Variants in SLC12A5 observed in about 807,000 individuals in gnomAD.
SLC12A5 encodes the protein K-Cl cotransporter 2.
Under a neutral mutation model 124.0 loss-of-function variants are expected in SLC12A5, and 18 were observed. The ratio of observed to expected loss-of-function variants is 0.15; its 90% CI spans 0.10 to 0.22. The LOEUF is 0.22. SLC12A5 is among the 10% of genes least tolerant of loss of function. The pLI, the probability that SLC12A5 is intolerant of heterozygous loss-of-function variation, is 1.00. For synonymous variants in SLC12A5, 589 were observed against 568.0 expected (o/e 1.04, Z -0.53); for missense variants, 867 against 1,478.7 (o/e 0.59, Z 6.78).
At position 46,040,356 on chromosome 20, in the gene SLC12A5, C is replaced by T. The variant is rs745445077; in HGVS notation, c.613-17C>T. 1.2e-6 allele frequency: 2 copies of T among 1,612,834 alleles called. No homozygotes were observed. The highest frequency in any genetic ancestry group is 1.7e-6 in the Non-Finnish European group (2 of 1,179,920). On this transcript the variant is annotated splice_polypyrimidine_tract_variant and intron_variant, in intron 6 of 25. Transcript: ENST00000243964. The stretch of plus-strand genomic sequence containing the variant: ...CTGCTGACTTAGGTATCTGTTCTTC[C>T]TGCCCCTTTCCCACAGGCTTACCTC...
chr20:46,049,433 T>A lies in SLC12A5; in HGVS notation c.2013-189T>A, dbSNP rs564730414. On this transcript the variant is annotated intron_variant, in intron 16 of 25. Coordinates refer to ENST00000243964, the MANE Select transcript of SLC12A5 (RefSeq NM_020708.5). The stretch of plus-strand genomic sequence containing the variant: ...ATAGGTGGGTGGGTGGTTGAATGGG[T>A]AGATAGGTGAGTGAGGTGAATGGAG... 2.6e-5 allele frequency among the ~76,000 whole-genome samples: 4 copies of A among 151,890 alleles called. No homozygotes were observed. The South Asian group carries it at 8.3e-4, about 32-fold the overall frequency.
At position 46,022,959 on chromosome 20, in the gene SLC12A5, G is replaced by GGAGGAGGAGGAA. The variant is rs2084367717; in HGVS notation, c.89_90insAGAGGAGGAGGA (p.Gly30_Gly31insArgGlyGlyGly). 4 of 402,654 alleles carry GGAGGAGGAGGAA rather than the reference G, an allele frequency of 9.9e-6. No individual in the cohort carries two copies. In the Admixed American group the frequency reaches 1.8e-4, roughly 18 times the overall value. 24.9% of individuals were successfully genotyped at this position (402,654 alleles called of 1,614,324 possible). ...CCCAGCGAGGGGAGGAGGAGGAGGA[G>GGAGGAGGAGGAA]GAGGAGGAGGAGGAGGAAGAGGAGG... On this transcript the variant is annotated inframe_insertion, in exon 2 of 3. Coordinates refer to the SLC12A5 transcript ENST00000413737.
At position 46,041,803 on chromosome 20, in the gene SLC12A5, T is replaced by A. The variant is rs575473351; in HGVS notation, c.1066+263T>A. On this transcript the variant is annotated intron_variant, in intron 8 of 25. Coordinates refer to ENST00000243964, the MANE Select transcript of SLC12A5 (RefSeq NM_020708.5). ...ACAGAGTGCCCAGCATTGTGCTGAG[T>A]GCTAGGAACACAAAATAAATAAGCC... Among the ~76,000 whole-genome samples, 4 of 152,302 alleles carry A rather than the reference T, an allele frequency of 2.6e-5. No homozygotes were observed. The East Asian group carries it at 7.7e-4, about 29-fold the overall frequency.
intron 1 of SLC12A5, among the ~76,000 whole-genome samples, chr20:46,031,961 G>A (rs1011060889): frequency 2.0e-5 from 3 of 152,252 alleles, no homozygotes; most frequent in Non-Finnish European, 4.4e-5. Context: ...CAACCAGTGC[G>A]CCTGGCGTTC....
Position 46,056,620 on chromosome 20 carries a change from C to T in SLC12A5, c.3110+56C>T. The T allele has an allele frequency of 1.3e-6, 2 of 1,541,966 alleles. No individual in the cohort carries two copies. The highest frequency in any genetic ancestry group is 1.2e-5 in the South Asian group (1 of 84,190). On this transcript the variant is annotated intron_variant, in intron 23 of 25. Coordinates refer to ENST00000243964, the MANE Select transcript of SLC12A5 (RefSeq NM_020708.5). The surrounding 1 kb of genome is among the most constrained non-coding windows in gnomAD (Gnocchi z 4.3). ...TGGGGTGAGCTAAAGGGTCTTGCTC[C>T]CCATGGCAGAGCAAGAGAGCAGAAG...
rs3080279 is a variant in SLC12A5, at chr20:46,029,858, CTG to C, written c.52+493_52+494del. 7.7e-3 allele frequency among the ~76,000 whole-genome samples: 1,019 copies of C among 133,044 alleles called. 13 individuals carry two copies. The highest frequency in any genetic ancestry group is 0.024 in the African/African-American group (776 of 32,280). 87.3% of individuals were successfully genotyped at this position (133,044 alleles called of 152,430 possible). On this transcript the variant is annotated intron_variant, in intron 1 of 25. Transcript: ENST00000243964. ...ATCTGGAAGATGGGGGAAGAGGTGG[CTG>C]TGTGTGTGTGTGTGTGTGTGTGTGT...
chr20:46,038,577 C>G (rs944442852), intron 6 of SLC12A5, among the ~76,000 whole-genome samples: 4 of 152,146 alleles, frequency 2.6e-5, no homozygotes, highest in Admixed American at 6.5e-5. Flanking sequence ...TTTCTGACTT[C>G]CAGAGCCTTA....
chr20:46,035,679 G>C, intron 3 of SLC12A5, 98 bp from the exon 4 acceptor site: 1 of 1,507,054 alleles, frequency 6.6e-7, no homozygotes, highest in East Asian at 2.3e-5. Flanking sequence ...AGAATAGAGA[G>C]AAGAGGAAGG....
chr20:46,034,641 C>A (rs548484292), intron 1 of SLC12A5, among the ~76,000 whole-genome samples: 1 of 152,094 alleles, frequency 6.6e-6, no homozygotes, highest in Non-Finnish European at 1.5e-5. Context: ...CCCCAAACAC[C>A]GGTATGAGCC....
chr20:46,035,142 A>G, intron 2 of SLC12A5, 100 bp downstream of exon 2: 2 of 1,238,644 alleles, frequency 1.6e-6, no homozygotes, highest in South Asian at 2.6e-5. Flanking sequence ...CCTCGTCTCC[A>G]CCCCTCCCTT....
intron 17 of SLC12A5, 81 bp from the exon 18 acceptor site, chr20:46,051,594 T>C: frequency 7.5e-7 from 1 of 1,326,606 alleles, no homozygotes; most frequent in African/African-American, 1.5e-5. Context: ...AGGGGAGAGA[T>C]GGGAGGGAAG....
Position 46,045,844 on chromosome 20 carries a change from G to A in SLC12A5, c.1570-34G>A. 6.4e-7 allele frequency: 1 copy of A among 1,570,234 alleles called. No homozygotes were observed. Among genetic ancestry groups the A allele is most frequent in the Non-Finnish European group, 8.8e-7 (1 of 1,141,140 alleles). Reference sequence around the variant, plus strand: ...GGGGAGAGGGCTGAGAAATCCTTGAGGTCTCAGTCCCATGATGATTGCTCT... The same window carrying A: ...GGGGAGAGGGCTGAGAAATCCTTGAAGTCTCAGTCCCATGATGATTGCTCT... On this transcript the variant is annotated intron_variant, in intron 12 of 25. Coordinates refer to ENST00000243964, the MANE Select transcript of SLC12A5 (RefSeq NM_020708.5). This position sits in a 1 kb window ranked among gnomAD's most constrained non-coding sequence, Gnocchi z 4.9.
At chr20:46,036,372 T>C (rs2084498457) in intron 4 of SLC12A5, among the ~76,000 whole-genome samples, 1 of 152,266 alleles carries the variant, frequency 6.6e-6, no homozygotes, top group South Asian at 2.1e-4. Flanking sequence ...GTACATAACC[T>C]TGAGACAGCT....
intron 16 of SLC12A5, among the ~76,000 whole-genome samples, chr20:46,048,576 G>A (rs1036576583): frequency 3.3e-5 from 5 of 152,030 alleles, no homozygotes; most frequent in African/African-American, 9.7e-5. Flanking sequence ...TTTTATTCAC[G>A]TGAAAATCAG....
chr20:46,058,919 C>G lies in SLC12A5; in HGVS notation c.*1314C>G, dbSNP rs925232647. 5 of 395,178 alleles carry G rather than the reference C, an allele frequency of 1.3e-5. No homozygotes were observed. Among genetic ancestry groups the G allele is most frequent in the Non-Finnish European group, 1.8e-5 (4 of 224,538 alleles). 24.5% of individuals were successfully genotyped at this position (395,178 alleles called of 1,614,324 possible). On this transcript the variant is annotated 3_prime_UTR_variant, in exon 26 of 26. Coordinates refer to ENST00000243964, the MANE Select transcript of SLC12A5 (RefSeq NM_020708.5). This position sits in a 1 kb window ranked among gnomAD's most constrained non-coding sequence, Gnocchi z 5.8. Reference sequence around the variant, plus strand: ...AGCAGCGGCCTCTAGCTCCGTCTCCCGGGGACCTGGGCCTGAGGGAGGGCT... The same window carrying G: ...AGCAGCGGCCTCTAGCTCCGTCTCCGGGGGACCTGGGCCTGAGGGAGGGCT...
At chr20:46,021,831 G>C, upstream of SLC12A5, 1 of 1,533,946 alleles carries the variant, frequency 6.5e-7, no homozygotes, top group Non-Finnish European at 8.7e-7. Context: ...CTGACCCAGA[G>C]TCCCGCCGGC....
At chr20:46,034,644 T>G (rs1413468027) in intron 1 of SLC12A5, among the ~76,000 whole-genome samples, 3 of 152,102 alleles carry the variant, frequency 2.0e-5, no homozygotes, top group East Asian at 3.9e-4. Flanking sequence ...CAAACACCGG[T>G]ATGAGCCCAG....
chr20:46,027,703 T>C (rs1340633041), upstream of SLC12A5: 1 of 152,266 alleles, frequency 6.6e-6, no homozygotes, highest in Non-Finnish European at 1.5e-5. Flanking sequence ...TGGATATGAC[T>C]GCATCCTTGT....
chr20:46,035,221 C>G, intron 2 of SLC12A5, 179 bp downstream of exon 2: 1 of 980,608 alleles, frequency 1.0e-6, no homozygotes, highest in Non-Finnish European at 1.6e-6. Context: ...CCTCTGCTCC[C>G]TGCCCTCTCC....
Sources: gnomAD v4.1 joint callset for allele counts (sites outside exome capture counted in the v4.1 genomes callset) on GRCh38, gnomAD v4.1.1 for gene constraint, Gnocchi (gnomAD v3.1) non-coding constraint, MANE v1.5 for transcripts, NCBI Gene and HGNC (gene_info 2026-07-23, HGNC 2026-07-21) for gene names.